Variants in AGBL1 observed in about 807,000 individuals in gnomAD.
AGBL1 encodes the protein cytosolic carboxypeptidase 4.
Under a neutral mutation model 118.9 loss-of-function variants are expected in AGBL1, and 130 were observed. The ratio of observed to expected loss-of-function variants is 1.09; its 90% CI spans 0.95 to 1.26. The LOEUF (loss-of-function observed/expected upper bound fraction) is 1.26. AGBL1 is among the 50% of genes most tolerant of loss of function. The probability of loss-of-function intolerance (pLI) is 0.00; values close to 1 mark genes in which losing one functional copy is unlikely to be tolerated. For missense variants in AGBL1, 1,584 were observed against 1,298.1 expected (o/e 1.22, Z -3.38); for synonymous variants, 555 against 478.9 (o/e 1.16, Z -2.08).
chr15:86,457,388 C>G (rs528642535), intron 18 of AGBL1, among the ~76,000 whole-genome samples: 1 of 152,174 alleles, frequency 6.6e-6, no homozygotes, highest in African/African-American at 2.4e-5. Flanking sequence ...TTCGTCGCAG[C>G]CTCTGCACCC....
At chr15:86,410,822 ATATATATATATATATAT>A (rs1596080373) in intron 18 of AGBL1, among the ~76,000 whole-genome samples, 1 of 109,422 alleles carries the variant, frequency 9.1e-6, no homozygotes, top group Non-Finnish European at 1.7e-5. Context: ...ATATATATAT[ATATATATATATATATAT>A]ATAATATACT....
At chr15:86,514,476 CTT>C (rs2083093635) in intron 18 of AGBL1, among the ~76,000 whole-genome samples, 2 of 152,012 alleles carry the variant, frequency 1.3e-5, no homozygotes, top group Admixed American at 1.3e-4. Context: ...CAGTTCAGTT[CTT>C]TTCTTCTTAC....
rs912493444 is a variant in AGBL1, at chr15:86,829,682, T to C, written c.3159-77405T>C. 2.6e-5 allele frequency among the ~76,000 whole-genome samples: 4 copies of C among 152,114 alleles called. No homozygotes were observed. In the South Asian group the frequency reaches 8.3e-4, roughly 32 times the overall value. On this transcript the variant is annotated intron_variant, in intron 22 of 22. Coordinates refer to ENST00000614907, the MANE Select transcript of AGBL1 (RefSeq NM_001386094.1). The stretch of plus-strand genomic sequence containing the variant: ...TTGTTGCATAGGATTCTGGAAGAAA[T>C]TAAACCTGAAGATCAGAGACCAGCA...
chr15:86,382,840 G>A (rs1327589378), intron 17 of AGBL1, among the ~76,000 whole-genome samples: 1 of 151,998 alleles, frequency 6.6e-6, no homozygotes, highest in South Asian at 2.1e-4. Flanking sequence ...GAGTAACAAA[G>A]CAGCAAGGCC....
At chr15:86,879,369 C>CT (rs1195066086) in intron 22 of AGBL1, among the ~76,000 whole-genome samples, 4 of 152,064 alleles carry the variant, frequency 2.6e-5, no homozygotes, top group East Asian at 3.9e-4. Flanking sequence ...CCCACATGGT[C>CT]TTTTTTTGGG....
In AGBL1 at chr15:86,668,188, G is replaced by C. The variant is rs538639313; in HGVS notation, c.2995-6085G>C. Among the ~76,000 whole-genome samples, 28 of 152,204 alleles carry C rather than the reference G, an allele frequency of 1.8e-4. No homozygotes were observed. The East Asian group carries it at 4.3e-3, about 23-fold the overall frequency. ...CCACCAGACCCCACCTCCAACATTG[G>C]GGATCACATTTCAACATGAGATTTG... On this transcript the variant is annotated intron_variant, in intron 21 of 22. Coordinates refer to ENST00000614907, the MANE Select transcript of AGBL1 (RefSeq NM_001386094.1).
chr15:86,516,715 C>T (rs910406996), intron 18 of AGBL1, among the ~76,000 whole-genome samples: 1 of 149,618 alleles, frequency 6.7e-6, no homozygotes, highest in South Asian at 2.1e-4. Flanking sequence ...GCAGGAGAAT[C>T]GCTTGAACCC....
At chr15:86,808,172 TTC>T (rs1334110482) in intron 22 of AGBL1, among the ~76,000 whole-genome samples, 2 of 152,148 alleles carry the variant, frequency 1.3e-5, no homozygotes, top group African/African-American at 4.8e-5. Flanking sequence ...AGAATGACCT[TTC>T]TGAGAAATAA....
chr15:86,313,509 G>A (rs373410968), intron 17 of AGBL1, among the ~76,000 whole-genome samples: 3 of 152,288 alleles, frequency 2.0e-5, no homozygotes, highest in Middle Eastern at 3.4e-3. Context: ...AAAGGAAAGC[G>A]AAATAGAAAC....
intron 17 of AGBL1, among the ~76,000 whole-genome samples, chr15:86,366,073 T>C (rs1272346400): frequency 1.3e-5 from 2 of 152,206 alleles, no homozygotes; most frequent in African/African-American, 2.4e-5. Context: ...AGCAAATATT[T>C]TCATAAACTT....
At chr15:86,984,711 A>G (rs921296603) in intron 23 of AGBL1, among the ~76,000 whole-genome samples, 2 of 152,082 alleles carry the variant, frequency 1.3e-5, no homozygotes, top group African/African-American at 4.8e-5. Context: ...TAGTTGGGAG[A>G]CAAGACCTCT....
intron 22 of AGBL1, among the ~76,000 whole-genome samples, chr15:86,843,804 A>G (rs1209969223): frequency 1.3e-5 from 2 of 152,178 alleles, no homozygotes; most frequent in East Asian, 1.9e-4. Flanking sequence ...TAGCAAATGT[A>G]TGTAATGAAA....
intron 17 of AGBL1, among the ~76,000 whole-genome samples, chr15:86,375,283 G>A (rs1410425003): frequency 1.3e-5 from 2 of 152,162 alleles, no homozygotes; most frequent in African/African-American, 4.8e-5. Context: ...ATGGCAGAAG[G>A]GAAAGCAGGC....
At chr15:86,345,040 C>G (rs117794042) in intron 17 of AGBL1, among the ~76,000 whole-genome samples, 1 of 152,098 alleles carries the variant, frequency 6.6e-6, no homozygotes, top group African/African-American at 2.4e-5. Context: ...AGCACCTCTT[C>G]TTTTTCAGGC....
At chr15:86,094,687 T>A (rs567730562) in intron 1 of AGBL1, among the ~76,000 whole-genome samples, 1 of 152,292 alleles carries the variant, frequency 6.6e-6, no homozygotes, top group South Asian at 2.1e-4. Flanking sequence ...CTCCCCTGCA[T>A]CATTGACCAG....
chr15:86,917,690 C>T (rs1316652536), downstream of AGBL1, among the ~76,000 whole-genome samples: 5 of 151,928 alleles, frequency 3.3e-5, no homozygotes, highest in Admixed American at 6.6e-5. The surrounding 1 kb of genome is among the most constrained non-coding windows in gnomAD (Gnocchi z 4.8). Context: ...ATGCAAATGT[C>T]GGGGTGAGGG....
intron 21 of AGBL1, among the ~76,000 whole-genome samples, chr15:86,660,027 C>T: frequency 6.6e-6 from 1 of 151,892 alleles, no homozygotes; most frequent in East Asian, 1.9e-4. Flanking sequence ...GCCACAGGCA[C>T]ATTTGTAGCC....
At chr15:86,302,328 C>T (rs2079761883) in intron 17 of AGBL1, among the ~76,000 whole-genome samples, 1 of 152,072 alleles carries the variant, frequency 6.6e-6, no homozygotes, top group Non-Finnish European at 1.5e-5. Flanking sequence ...AATTATTACA[C>T]CTATTTTATG....
chr15:86,452,916 G>C (rs150260398), intron 18 of AGBL1, among the ~76,000 whole-genome samples: 1 of 152,040 alleles, frequency 6.6e-6, no homozygotes, highest in South Asian at 2.1e-4. Flanking sequence ...GTATGTACCC[G>C]GTCTGCTCTG....
Sources: gnomAD v4.1 joint callset for allele counts (sites outside exome capture counted in the v4.1 genomes callset) on GRCh38, gnomAD v4.1.1 for gene constraint, Gnocchi (gnomAD v3.1) non-coding constraint, MANE v1.5 for transcripts, NCBI Gene and HGNC (gene_info 2026-07-23, HGNC 2026-07-21) for gene names.